DNAH17: variants seen among roughly 807,000 people sequenced by gnomAD.
The protein encoded by DNAH17 is axonemal beta dynein heavy chain 17.
In DNAH17, 376 loss-of-function variants were observed where a neutral mutation model predicts 485.6. That is an observed-to-expected ratio of 0.77 (90% CI 0.71 to 0.84). The LOEUF is 0.84. DNAH17 is among the 40% of genes least tolerant of loss of function. The pLI is 0.00. For missense variants in DNAH17, 6,370 were observed against 5,839.3 expected (o/e 1.09, Z -2.96); for synonymous variants, 3,031 against 2,405.9 (o/e 1.26, Z -7.60).
In DNAH17 at chr17:78,429,363, G is replaced by A. The variant is rs555654134; in HGVS notation, c.12226-63C>T. 4.7e-5 allele frequency: 73 copies of A among 1,546,062 alleles called. No homozygotes were observed. The Middle Eastern group carries it at 8.5e-4, about 18-fold the overall frequency. On this transcript the variant is annotated intron_variant, in intron 75 of 80. Coordinates refer to ENST00000389840, the MANE Select transcript of DNAH17 (RefSeq NM_173628.4). ...TGTGCCCCTTCTCTGCCATGAGAGG[G>A]TCAGGCTCAGGCAGGCAGGGCGTGG...
chr17:78,544,800 C>CAAAAAAAAAAAAAAA (rs55669221), intron 16 of DNAH17, among the ~76,000 whole-genome samples: 2 of 46,876 alleles, frequency 4.3e-5, no homozygotes, highest in African/African-American at 9.9e-5. Context: ...GACTCAGTCT[C>CAAAAAAAAAAAAAAA]AAAAAAAAAA....
At chr17:78,523,403 C>T (rs554978705) in intron 25 of DNAH17, among the ~76,000 whole-genome samples, 49 of 152,306 alleles carry the variant, frequency 3.2e-4, no homozygotes, top group African/African-American at 1.1e-3. Flanking sequence ...GGATTACAGG[C>T]GTGAGCCACC....
intron 16 of DNAH17, among the ~76,000 whole-genome samples, chr17:78,545,000 C>T: frequency 6.6e-6 from 1 of 151,992 alleles, no homozygotes; most frequent in East Asian, 1.9e-4. Flanking sequence ...CCATCCCATC[C>T]CCCACTGGAA....
intron 11 of DNAH17, among the ~76,000 whole-genome samples, chr17:78,565,909 C>T (rs1262217041): frequency 1.3e-5 from 2 of 152,092 alleles, no homozygotes; most frequent in Non-Finnish European, 2.9e-5. Flanking sequence ...GGGATTGTGC[C>T]ACTACACTCC....
At chr17:78,463,635 A>T (rs978254958) in intron 56 of DNAH17, among the ~76,000 whole-genome samples, 2 of 152,246 alleles carry the variant, frequency 1.3e-5, no homozygotes, top group Non-Finnish European at 2.9e-5. Flanking sequence ...CATACCTGAA[A>T]AAGTACAAGG....
chr17:78,541,838 G>C (rs376475162), intron 17 of DNAH17, among the ~76,000 whole-genome samples: 5 of 152,170 alleles, frequency 3.3e-5, no homozygotes, highest in African/African-American at 1.2e-4. Flanking sequence ...AAGCTAATCA[G>C]TTAACTCTTC....
At position 78,425,382 on chromosome 17, in the gene DNAH17, G is replaced by A. The variant is rs774915664; in HGVS notation, c.13105C>T (p.Arg4369Ter). The A allele has an allele frequency of 8.7e-6, 14 of 1,613,994 alleles. No individual in the cohort carries two copies. The highest frequency in any genetic ancestry group is 1.0e-5 in the Non-Finnish European group (12 of 1,179,892). ...AGTCCGTACACGTAGGAGCCCTCTC[G>A]CGGAGGAGCGGTCATGTCCTCTCGG... Reference protein sequence around the residue: ...KNREDMTAPPREGSYVYGLFM... With the variant: ...KNREDMTAPP The change falls in exon 80 of 81, where the codon CGA (arginine) becomes TGA (stop). Residue 4369 changes from arginine (R) to a stop codon, truncating the protein, a stop_gained. Coordinates refer to ENST00000389840, the MANE Select transcript of DNAH17 (RefSeq NM_173628.4). LOFTEE classifies it high-confidence loss of function.
At position 78,459,168 on chromosome 17, in the gene DNAH17, G is replaced by A. The variant is rs775946342; in HGVS notation, c.9694C>T (p.Arg3232Cys). ...CCGGCGGCGGCCGTGGACTTGGAGC[G>A]GATGAACTCGGGGTCGAACGTCGGG... is the stretch of plus-strand genomic sequence containing the variant. ...GNPTFDPEFIRSKSTAAAGLC... is the reference protein window; with the variant it reads ...GNPTFDPEFICSKSTAAAGLC... The change falls in exon 61 of 81, where the codon CGC (arginine) becomes TGC (cysteine). Residue 3232 changes from arginine to cysteine, a missense_variant. Physicochemically the swap from Arg to Cys is radical, Grantham distance 180 (BLOSUM62 -3). Transcript: ENST00000389840. The A allele has an allele frequency of 1.9e-5, 31 of 1,613,832 alleles. No homozygotes were observed. Among genetic ancestry groups the A allele is most frequent in the Admixed American group, 1.7e-4 (10 of 60,000 alleles).
rs74829233 is a variant in DNAH17 at position 78,573,018 on chromosome 17, G to A, written c.346-124C>T. ...TGGAGCCCTGGGAAAACTGGGTCCC[G>A]CACAGAGCCAGGTCCCCAGGGGGAT... is the stretch of plus-strand genomic sequence containing the variant. On this transcript the variant is annotated intron_variant, in intron 2 of 80. Transcript: ENST00000389840. The A allele has an allele frequency of 3.7e-3, 2,953 of 809,032 alleles. 54 individuals are homozygous for A. The African/African-American group carries it at 0.047, about 13-fold the overall frequency. The allele number at this position is 809,032 out of a possible 1,614,324, so 50.1% of individuals were successfully genotyped here. A position where few individuals can be genotyped will look rare whatever the true frequency, so the allele number is the denominator to read the frequency against.
chr17:78,508,821 T>G (rs1282948491), intron 27 of DNAH17, among the ~76,000 whole-genome samples: 1 of 152,028 alleles, frequency 6.6e-6, no homozygotes, highest in East Asian at 1.9e-4. Flanking sequence ...AATTATAATT[T>G]TTTTTAGGGA....
chr17:78,474,333 C>G (rs188850729), intron 54 of DNAH17, among the ~76,000 whole-genome samples: 4 of 152,386 alleles, frequency 2.6e-5, no homozygotes, highest in African/African-American at 4.8e-5. Flanking sequence ...CAGGTCTAAT[C>G]TCAAGCACGA....
At chr17:78,517,627 GCCT>G (rs1258941532) in intron 25 of DNAH17, among the ~76,000 whole-genome samples, 1 of 152,124 alleles carries the variant, frequency 6.6e-6, no homozygotes, top group Non-Finnish European at 1.5e-5. Flanking sequence ...CTCCCGAATT[GCCT>G]CCTCTTCTCC....
At chr17:78,507,405 T>C (rs1390254818) in intron 28 of DNAH17, 36 bp from the exon 29 acceptor site, 2 of 1,613,932 alleles carry the variant, frequency 1.2e-6, no homozygotes, top group South Asian at 1.1e-5. Flanking sequence ...GCATTAGGGA[T>C]CGCCACACAC....
chr17:78,538,312 A>C (rs572943340), intron 18 of DNAH17, among the ~76,000 whole-genome samples: 2 of 152,222 alleles, frequency 1.3e-5, no homozygotes, highest in African/African-American at 4.8e-5. Context: ...GGCCCCTGTG[A>C]GGCTGCAGGG....
chr17:78,505,511 C>G, intron 30 of DNAH17, 66 bp from the exon 31 acceptor site: 1 of 1,605,054 alleles, frequency 6.2e-7, no homozygotes, highest in Non-Finnish European at 8.5e-7. Context: ...GTGGCTTGGG[C>G]TTTCCGTGGG....
chr17:78,466,930 C>T, intron 55 of DNAH17, 114 bp from the exon 56 acceptor site: 1 of 1,181,734 alleles, frequency 8.5e-7, no homozygotes, highest in Non-Finnish European at 1.1e-6. Context: ...GGCTCAGCCG[C>T]CCAGGGCCTG....
chr17:78,530,594 T>C, intron 20 of DNAH17, 82 bp from the exon 21 acceptor site: 1 of 1,480,860 alleles, frequency 6.8e-7, no homozygotes. Context: ...TCCAGGGCCT[T>C]CCTGCACTGC....
chr17:78,528,871 T>G (rs1004711434), intron 22 of DNAH17, among the ~76,000 whole-genome samples: 1 of 150,768 alleles, frequency 6.6e-6, no homozygotes, highest in Non-Finnish European at 1.5e-5. Flanking sequence ...TTGTTCTCTC[T>G]CCACCATCCT....
chr17:78,490,973 C>G (rs921989744), intron 43 of DNAH17, 126 bp from the exon 44 acceptor site: 38 of 1,221,512 alleles, frequency 3.1e-5, no homozygotes, highest in East Asian at 1.0e-4. Context: ...AGCCCTGCCA[C>G]CCCTGGCCCA....
Sources: gnomAD v4.1 joint callset for allele counts (sites outside exome capture counted in the v4.1 genomes callset) on GRCh38, gnomAD v4.1.1 for gene constraint, MANE v1.5 for transcripts, NCBI Gene and HGNC (gene_info 2026-07-23, HGNC 2026-07-21) for gene names.